Variants in RNFT2 observed in about 807,000 individuals in gnomAD.
The protein encoded by RNFT2 is E3 ubiquitin-protein ligase RNFT2.
A neutral mutation model predicts 53.0 loss-of-function variants in RNFT2; 36 were observed. The observed-to-expected ratio is 0.68, with a 90% CI of 0.52 to 0.90. The LOEUF is 0.90. Among genes scored for constraint, RNFT2 ranks in the 40% least tolerant of loss-of-function variants. RNFT2 has a pLI of 0.00. For synonymous variants in RNFT2, 260 were observed against 253.2 expected (o/e 1.03, Z -0.26); for missense variants, 514 against 585.6 (o/e 0.88, Z 1.26).
At chr12:116,843,782 G>A (rs1256507903) in intron 10 of RNFT2, among the ~76,000 whole-genome samples, 1 of 152,174 alleles carries the variant, frequency 6.6e-6, no homozygotes, top group East Asian at 1.9e-4. Context: ...AAGGGATTGT[G>A]AGCTCCCGGA....
chr12:116,839,345 G>A (rs553279248), intron 10 of RNFT2, among the ~76,000 whole-genome samples: 2 of 146,114 alleles, frequency 1.4e-5, no homozygotes, highest in African/African-American at 5.0e-5. Context: ...GGATGGATGG[G>A]ATGGTTGGAT....
chr12:116,758,304 T>C (rs570639783), intron 5 of RNFT2, among the ~76,000 whole-genome samples: 11 of 152,352 alleles, frequency 7.2e-5, no homozygotes, highest in African/African-American at 2.4e-4. Flanking sequence ...GTGGAGCATT[T>C]AGGCCACTTA....
intron 7 of RNFT2, among the ~76,000 whole-genome samples, chr12:116,816,322 G>C (rs1250982445): frequency 1.3e-5 from 2 of 152,136 alleles, no homozygotes; most frequent in Admixed American, 1.3e-4. Context: ...AATGAAATTG[G>C]GTACCCCACT....
intron 2 of RNFT2, 73 bp downstream of exon 2, chr12:116,740,594 G>T: frequency 7.3e-7 from 1 of 1,378,490 alleles, no homozygotes; most frequent in Non-Finnish European, 1.0e-6. Flanking sequence ...GGAAGTTTTG[G>T]TTTGACCACT....
chr12:116,841,278 C>G (rs1046650988), intron 10 of RNFT2, among the ~76,000 whole-genome samples: 29 of 151,968 alleles, frequency 1.9e-4, no homozygotes, highest in African/African-American at 7.0e-4. Context: ...ATAGCGAGAC[C>G]CCCATCTCTA....
rs149483911 is a variant in RNFT2, at chr12:116,743,885, C to T, written c.83+2791C>T. 3.4e-3 allele frequency among the ~76,000 whole-genome samples: 519 copies of T among 152,212 alleles called. 4 individuals carry two copies. Among genetic ancestry groups the T allele is most frequent in the African/African-American group, 0.012 (493 of 41,542 alleles). On this transcript the variant is annotated intron_variant, in intron 3 of 10. Coordinates refer to ENST00000257575, the MANE Select transcript of RNFT2 (RefSeq NM_001382266.1). ...GGTGACTTTGATACATGACTTCACCCCTAGGTCTCAGCTTCTCCATCCAAA... is the reference window on the plus strand; with the variant it reads ...GGTGACTTTGATACATGACTTCACCTCTAGGTCTCAGCTTCTCCATCCAAA...
rs1341010875 is a variant in RNFT2, at chr12:116,852,310, A to G, written c.*2862A>G. 8.8e-6 allele frequency: 11 copies of G among 1,253,278 alleles called. No homozygotes were observed. Among genetic ancestry groups the G allele is most frequent in the Non-Finnish European group, 1.0e-5 (10 of 993,716 alleles). 77.6% of individuals were successfully genotyped at this position (1,253,278 alleles called of 1,614,324 possible). Reference sequence around the variant, plus strand: ...CACCTCGCTGTCAGCCAGTATTAACATGTCCCCTTCCCCCTGCCCCGCCGT... The same window carrying G: ...CACCTCGCTGTCAGCCAGTATTAACGTGTCCCCTTCCCCCTGCCCCGCCGT... On this transcript the variant is annotated 3_prime_UTR_variant, in exon 11 of 11. Transcript: ENST00000257575.
intron 4 of RNFT2, among the ~76,000 whole-genome samples, chr12:116,752,833 G>A (rs996693526): frequency 6.6e-6 from 1 of 152,090 alleles, no homozygotes; most frequent in African/African-American, 2.4e-5. Flanking sequence ...AGCTGAGATC[G>A]CACCACTGCA....
At chr12:116,781,673 G>C (rs962957258) in intron 7 of RNFT2, among the ~76,000 whole-genome samples, 1 of 152,076 alleles carries the variant, frequency 6.6e-6, no homozygotes, top group Non-Finnish European at 1.5e-5. Flanking sequence ...TAAGGACCCT[G>C]TGATGACACT....
intron 7 of RNFT2, among the ~76,000 whole-genome samples, chr12:116,814,690 T>TTC (rs1387156195): frequency 1.3e-5 from 2 of 152,032 alleles, no homozygotes; most frequent in African/African-American, 4.8e-5. Flanking sequence ...TTTTTTTTTT[T>TTC]TCCGACAGAG....
chr12:116,788,184 C>T (rs1322001616), intron 7 of RNFT2, among the ~76,000 whole-genome samples: 1 of 152,240 alleles, frequency 6.6e-6, no homozygotes, highest in Non-Finnish European at 1.5e-5. Flanking sequence ...GCTTTGGCCT[C>T]CCAAAGTGCT....
chr12:116,743,610 G>T (rs1412617900), intron 3 of RNFT2, among the ~76,000 whole-genome samples: 1 of 152,048 alleles, frequency 6.6e-6, no homozygotes, highest in African/African-American at 2.4e-5. Context: ...ACACACCTGG[G>T]GGCCTGTTCT....
At chr12:116,789,345 AGTGGATGG>A in intron 7 of RNFT2, among the ~76,000 whole-genome samples, 1 of 135,018 alleles carries the variant, frequency 7.4e-6, no homozygotes, top group African/African-American at 2.8e-5. Context: ...ATGGAAAGAG[AGTGGATGG>A]GTGGATGGGT....
intron 8 of RNFT2, among the ~76,000 whole-genome samples, chr12:116,835,144 C>A (rs1285241545): frequency 6.6e-6 from 1 of 152,190 alleles, no homozygotes; most frequent in African/African-American, 2.4e-5. Flanking sequence ...GCCACCCCAC[C>A]TGGCCCCCAT....
chr12:116,820,542 G>A (rs937639950), intron 7 of RNFT2, among the ~76,000 whole-genome samples: 1 of 152,036 alleles, frequency 6.6e-6, no homozygotes, highest in African/African-American at 2.4e-5. Context: ...CCCCCACCAG[G>A]GGTACCCATT....
chr12:116,766,016 A>G (rs887455995), intron 5 of RNFT2, among the ~76,000 whole-genome samples: 1 of 152,228 alleles, frequency 6.6e-6, no homozygotes, highest in Non-Finnish European at 1.5e-5. Context: ...TTTTGCCTGT[A>G]ATTCCAGTGT....
At chr12:116,800,070 C>G (rs1874693269) in intron 7 of RNFT2, among the ~76,000 whole-genome samples, 1 of 152,212 alleles carries the variant, frequency 6.6e-6, no homozygotes, top group Admixed American at 6.5e-5. Flanking sequence ...TGTGACACAC[C>G]TGCTCCCCCT....
In RNFT2 at chr12:116,750,130, TC is replaced by T. The variant is rs1566068947; in HGVS notation, c.376del (p.Leu126CysfsTer31). 2 of 1,577,796 alleles carry T rather than the reference TC, an allele frequency of 1.3e-6. No individual in the cohort carries two copies. The highest frequency in any genetic ancestry group is 2.3e-5 in the South Asian group (2 of 87,614). ...CCACCATGGCGGCCACCGCGGGGGC[TC>T]CCTGCTGCAGCACGTGGGTGGGGAC... is the stretch of plus-strand genomic sequence containing the variant. ...HFHHGGHRGG[S>X]LLQHVGGDHR... On this transcript the variant is annotated frameshift_variant, in exon 4 of 11. Transcript: ENST00000257575. LOFTEE classifies it high-confidence loss of function.
chr12:116,809,144 G>A (rs1875235052), intron 7 of RNFT2, among the ~76,000 whole-genome samples: 1 of 152,136 alleles, frequency 6.6e-6, no homozygotes, highest in Non-Finnish European at 1.5e-5. Flanking sequence ...CCTCCCCCAG[G>A]AACTGAAGAA....
Sources: gnomAD v4.1 joint callset for allele counts (sites outside exome capture counted in the v4.1 genomes callset) on GRCh38, gnomAD v4.1.1 for gene constraint, MANE v1.5 for transcripts, NCBI Gene and HGNC (gene_info 2026-07-23, HGNC 2026-07-21) for gene names.